The following CNOT6 variants were observed in gnomAD, a reference collection of about 807,000 sequenced individuals.
CNOT6 encodes the protein CCR4-NOT transcription complex subunit 6, also known as carbon catabolite repression 4 protein.
A neutral mutation model predicts 61.2 loss-of-function variants in CNOT6; 12 were observed. That is an observed-to-expected ratio of 0.20 (90% CI 0.13 to 0.32). CNOT6 has a LOEUF of 0.32. CNOT6 is among the 10% of genes least tolerant of loss of function. The pLI is 1.00. For synonymous variants in CNOT6, 225 were observed against 240.6 expected, an observed-to-expected ratio of 0.94 and a Z score of 0.60; for missense variants, 405 against 663.9, an observed-to-expected ratio of 0.61 and a Z score of 4.28.
intron 3 of CNOT6, among the ~76,000 whole-genome samples, 193 bp downstream of exon 3, chr5:180,550,310 G>A (rs1442295731): frequency 6.6e-6 from 1 of 152,016 alleles, no homozygotes; most frequent in Non-Finnish European, 1.5e-5. Context: ...AATTAGCCAG[G>A]CGTGGTGGCG....
chr5:180,543,996 A>G (rs1466683315), intron 2 of CNOT6, among the ~76,000 whole-genome samples: 1 of 152,034 alleles, frequency 6.6e-6, no homozygotes, highest in Non-Finnish European at 1.5e-5. Flanking sequence ...TATTTTTAGT[A>G]GAGATGGGGT....
At chr5:180,505,021 C>T (rs562109062) in intron 1 of CNOT6, among the ~76,000 whole-genome samples, 7 of 137,880 alleles carry the variant, frequency 5.1e-5, no homozygotes, top group African/African-American at 1.6e-4. Flanking sequence ...TGCAGTGGCG[C>T]GATCTTGACT....
chr5:180,513,291 G>A (rs1211724914), intron 1 of CNOT6, among the ~76,000 whole-genome samples: 1 of 152,180 alleles, frequency 6.6e-6, no homozygotes, highest in African/African-American at 2.4e-5. Context: ...CCAGTCTCCA[G>A]CGATTTTCCC....
At chr5:180,568,279 G>A (rs561715790) in intron 9 of CNOT6, among the ~76,000 whole-genome samples, 7 of 145,336 alleles carry the variant, frequency 4.8e-5, no homozygotes, top group African/African-American at 1.8e-4. Context: ...AATAAATGTT[G>A]AAGTAAATAT....
intron 1 of CNOT6, among the ~76,000 whole-genome samples, 159 bp downstream of exon 1, chr5:180,494,922 A>C (rs1008560371): frequency 6.6e-5 from 10 of 150,784 alleles, no homozygotes; most frequent in African/African-American, 2.4e-4. Context: ...GGCCCCTTCG[A>C]CGCGCCGCGA....
intron 3 of CNOT6, 105 bp from the exon 4 acceptor site, chr5:180,553,281 A>T: frequency 4.2e-6 from 3 of 716,256 alleles, no homozygotes; most frequent in South Asian, 1.9e-5. Flanking sequence ...ATAACGTAAC[A>T]TTTTTTCATT....
At chr5:180,519,441 C>T (rs1021232609) in intron 1 of CNOT6, among the ~76,000 whole-genome samples, 3 of 152,142 alleles carry the variant, frequency 2.0e-5, no homozygotes, top group Non-Finnish European at 4.4e-5. Context: ...AGCAAAAGTT[C>T]GTGGGCTGTA....
chr5:180,561,849 A>G (rs1188477144), intron 4 of CNOT6, among the ~76,000 whole-genome samples: 1 of 152,142 alleles, frequency 6.6e-6, no homozygotes, highest in Non-Finnish European at 1.5e-5. Flanking sequence ...CTCCTCTGAC[A>G]CCACCTCAGA....
At chr5:180,523,133 G>A (rs1356979481) in intron 1 of CNOT6, among the ~76,000 whole-genome samples, 1 of 152,176 alleles carries the variant, frequency 6.6e-6, no homozygotes, top group Non-Finnish European at 1.5e-5. Flanking sequence ...TGTGGTATAT[G>A]CTGGAGAATT....
chr5:180,494,822 G>A (rs1454975651), intron 1 of CNOT6, 59 bp downstream of exon 1: 5 of 151,990 alleles, frequency 3.3e-5, no homozygotes, highest in African/African-American at 1.2e-4. Flanking sequence ...GGCCGCGCAC[G>A]GACCGCCCCC....
Position 180,574,566 on chromosome 5 carries a change from A to G in CNOT6, c.*366A>G, listed in dbSNP as rs1581580888. The G allele has an allele frequency of 3.8e-6, 1 of 262,034 alleles. No homozygotes were observed. The highest frequency in any genetic ancestry group is 9.8e-5 in the East Asian group (1 of 10,196). 16.2% of individuals were successfully genotyped at this position (262,034 alleles called of 1,614,324 possible). A position where few individuals can be genotyped will look rare whatever the true frequency, so the allele number is the denominator to read the frequency against. On this transcript the variant is annotated 3_prime_UTR_variant, in exon 12 of 12. Coordinates refer to ENST00000261951, the MANE Select transcript of CNOT6 (RefSeq NM_001370472.1). Reference sequence around the variant, plus strand: ...GCACTGCTTTTTTGAGGCCAGTAGCAACATCCAGAGATCATTCTTCCATAC... The same window carrying G: ...GCACTGCTTTTTTGAGGCCAGTAGCGACATCCAGAGATCATTCTTCCATAC...
intron 3 of CNOT6, among the ~76,000 whole-genome samples, chr5:180,552,011 A>G (rs1014031502): frequency 6.6e-6 from 1 of 151,580 alleles, no homozygotes. Context: ...TGGGATTACA[A>G]GCGTGTGCCA....
At position 180,578,260 on chromosome 5, in the gene CNOT6, C is replaced by A. The variant is rs1235217474; in HGVS notation, c.*4060C>A. 6.6e-6 allele frequency: 1 copy of A among 152,580 alleles called. No individual in the cohort carries two copies. Among genetic ancestry groups the A allele is most frequent in the Non-Finnish European group, 1.5e-5 (1 of 68,030 alleles). 9.5% of individuals were successfully genotyped at this position (152,580 alleles called of 1,614,324 possible). ...GCATTTAGGATTTTCGTTGTTGTTA[C>A]CTTATACCTCATGATATAAGGAATG... On this transcript the variant is annotated 3_prime_UTR_variant, in exon 12 of 12. Coordinates refer to ENST00000261951, the MANE Select transcript of CNOT6 (RefSeq NM_001370472.1).
chr5:180,540,685 C>T (rs1758987274), intron 2 of CNOT6, among the ~76,000 whole-genome samples: 1 of 152,192 alleles, frequency 6.6e-6, no homozygotes, highest in African/African-American at 2.4e-5. Context: ...ACATTTTCGA[C>T]ATTTTAAACT....
chr5:180,500,531 G>A (rs1486425418), intron 1 of CNOT6, among the ~76,000 whole-genome samples: 2 of 150,500 alleles, frequency 1.3e-5, no homozygotes, highest in Non-Finnish European at 2.9e-5. Flanking sequence ...TCCGCCTCCC[G>A]GGTTCACGCC....
intron 4 of CNOT6, among the ~76,000 whole-genome samples, chr5:180,562,657 G>A (rs1005152163): frequency 8.5e-5 from 13 of 152,060 alleles, no homozygotes; most frequent in Admixed American, 4.6e-4. Context: ...GGAGAATGGC[G>A]TGAACCCGGG....
intron 10 of CNOT6, among the ~76,000 whole-genome samples, chr5:180,570,179 G>GA (rs1331505230): frequency 6.6e-6 from 1 of 152,110 alleles, no homozygotes; most frequent in Non-Finnish European, 1.5e-5. Flanking sequence ...CCAACATGGT[G>GA]AAACCCCATC....
rs190837784 is a variant in CNOT6, at chr5:180,555,935, G to A, written c.385+2464G>A. Among the ~76,000 whole-genome samples the A allele has an allele frequency of 6.0e-4, 92 of 152,138 alleles. 1 individual carries two copies. In the East Asian group the frequency reaches 8.5e-3, roughly 14 times the overall value. On this transcript the variant is annotated intron_variant, in intron 4 of 11. Transcript: ENST00000261951. ...TTTAAATACTCTTCAAAATTGTGCC[G>A]CAGTACTACAGTTAAAGGCAGGACT...
chr5:180,514,352 G>T (rs1194617724), intron 1 of CNOT6, among the ~76,000 whole-genome samples: 1 of 152,184 alleles, frequency 6.6e-6, no homozygotes, highest in Non-Finnish European at 1.5e-5. Context: ...AAGCTGGAAG[G>T]CAGAGGTTGC....
Sources: gnomAD v4.1 joint callset for allele counts (sites outside exome capture counted in the v4.1 genomes callset) on GRCh38, gnomAD v4.1.1 for gene constraint, MANE v1.5 for transcripts, NCBI Gene and HGNC (gene_info 2026-07-23, HGNC 2026-07-21) for gene names.